Variants in CAPN13 observed in about 807,000 individuals in gnomAD.
CAPN13 encodes the protein calpain-13.
A neutral mutation model predicts 98.4 loss-of-function variants in CAPN13; 90 were observed. The observed-to-expected ratio is 0.92, with a 90% CI of 0.77 to 1.09. The LOEUF is 1.09. CAPN13 is among the 50% of genes least tolerant of loss of function. The pLI is 0.00. For synonymous variants in CAPN13, 330 were observed against 305.5 expected (o/e 1.08, Z -0.84); for missense variants, 887 against 841.3 (o/e 1.05, Z -0.67).
intron 22 of CAPN13, chr2:30,729,773 A>G (rs1670994539): frequency 6.6e-6 from 1 of 152,192 alleles, no homozygotes; most frequent in Non-Finnish European, 1.5e-5. Context: ...TGGGAGATTA[A>G]ATACTGTTTA....
chr2:30,751,207 G>GCTCT lies in CAPN13; in HGVS notation c.1128_1131dup (p.Pro378ArgfsTer63). The GCTCT allele has an allele frequency of 6.2e-7, 1 of 1,613,976 alleles. No homozygotes were observed. Among genetic ancestry groups the GCTCT allele is most frequent in the Non-Finnish European group, 8.5e-7 (1 of 1,179,880 alleles). On this transcript the variant is annotated frameshift_variant, in exon 11 of 23. Transcript: ENST00000295055. LOFTEE classifies it high-confidence loss of function. ...ACGACAACATTGGTGCCTTCCATTG[G>GCTCT]CTCTTGCACAGAGAAGTTGAATTGA...
At position 30,736,505 on chromosome 2, in the gene CAPN13, G is replaced by A. The variant is rs147172126; in HGVS notation, c.1720C>T (p.Gln574Ter). ...ARLWKRLVHY[Q>*]HVFQKVQTSP... ...AGTCACAGAGAATGTGCCCGTACCT[G>A]GTAGTGAACAAGGCGCTTCCACAGT... The change falls in exon 18 of 23, where the codon CAG (glutamine) becomes TAG (stop). Residue 574 changes from glutamine to a stop codon, truncating the protein, a stop_gained and splice_region_variant. Coordinates refer to ENST00000295055, the MANE Select transcript of CAPN13 (RefSeq NM_144575.3). LOFTEE classifies it high-confidence loss of function. The A allele has an allele frequency of 6.2e-7, 1 of 1,613,868 alleles. No individual in the cohort carries two copies. The highest frequency in any genetic ancestry group is 1.1e-5 in the South Asian group (1 of 91,080).
chr2:30,771,389 C>T (rs1365933121), intron 4 of CAPN13, among the ~76,000 whole-genome samples: 1 of 152,194 alleles, frequency 6.6e-6, no homozygotes, highest in Non-Finnish European at 1.5e-5. Context: ...TCCCAGATGT[C>T]AGGCTGTTGC....
chr2:30,777,051 G>C (rs923132050), intron 3 of CAPN13, among the ~76,000 whole-genome samples: 1 of 152,184 alleles, frequency 6.6e-6, no homozygotes, highest in African/African-American at 2.4e-5. Context: ...CCACTTTCCA[G>C]CCAGCTCTGC....
chr2:30,778,054 G>A (rs963108063), intron 2 of CAPN13, among the ~76,000 whole-genome samples: 2 of 152,188 alleles, frequency 1.3e-5, no homozygotes, highest in African/African-American at 4.8e-5. Flanking sequence ...AGCTTTTGTT[G>A]TGAAATGGTA....
Position 30,751,238 on chromosome 2 carries a change from A to G in CAPN13, c.1101T>C (p.Asn367=). 1.9e-6 allele frequency: 3 copies of G among 1,613,876 alleles called. No homozygotes were observed. In the East Asian group the frequency reaches 6.7e-5, roughly 36 times the overall value. ...ILGNTAGGPR[N]DAQFNFSVQE... ...GCACAGAGAAGTTGAATTGAGCATCATTCCGAGGTCCTCCTGCATCAGAAA... is the reference window on the plus strand; with the variant it reads ...GCACAGAGAAGTTGAATTGAGCATCGTTCCGAGGTCCTCCTGCATCAGAAA... The change falls in exon 11 of 23, where the codon AAT becomes AAC. Residue 367 remains asparagine, a synonymous_variant. Transcript: ENST00000295055.
chr2:30,728,896 A>G (rs1422404999), intron 22 of CAPN13, among the ~76,000 whole-genome samples: 1 of 152,180 alleles, frequency 6.6e-6, no homozygotes, highest in Non-Finnish European at 1.5e-5. Flanking sequence ...GGGAAGTGAG[A>G]ATATGTAGAC....
At chr2:30,776,153 A>C in intron 3 of CAPN13, 108 bp from the exon 4 acceptor site, 1 of 632,000 alleles carries the variant, frequency 1.6e-6, no homozygotes, top group Non-Finnish European at 2.6e-6. Flanking sequence ...CTTCTAAATA[A>C]TGCATTTTTT....
At chr2:30,761,848 G>C (rs1407119989) in intron 7 of CAPN13, among the ~76,000 whole-genome samples, 2 of 152,218 alleles carry the variant, frequency 1.3e-5, no homozygotes, top group Non-Finnish European at 2.9e-5. Flanking sequence ...ATGGACAAGA[G>C]AGACAGATGG....
In CAPN13 at chr2:30,788,502, T is replaced by C. The variant is rs1260899955; in HGVS notation, c.-32-1145A>G. Among the ~76,000 whole-genome samples, 5 of 152,162 alleles carry C rather than the reference T, an allele frequency of 3.3e-5. No homozygotes were observed. In the East Asian group the frequency reaches 7.7e-4, roughly 23 times the overall value. On this transcript the variant is annotated intron_variant, in intron 1 of 22. Transcript: ENST00000295055. ...ATCCATACTTCCTAGTTATGGGAAT[T>C]GAAAAACCTCTCTGGTCCTTAAAGT...
chr2:30,765,624 C>T (rs374083413), intron 5 of CAPN13, among the ~76,000 whole-genome samples: 1 of 152,204 alleles, frequency 6.6e-6, no homozygotes, highest in African/African-American at 2.4e-5. Context: ...GATCAGTCCT[C>T]AACACTCCTT....
chr2:30,765,150 T>C (rs1401802769), intron 5 of CAPN13, among the ~76,000 whole-genome samples: 1 of 152,216 alleles, frequency 6.6e-6, no homozygotes. Context: ...GAGGGTGGCC[T>C]GATCAGTCAC....
At chr2:30,744,335 C>T (rs1671804216) in intron 12 of CAPN13, among the ~76,000 whole-genome samples, 1 of 152,194 alleles carries the variant, frequency 6.6e-6, no homozygotes, top group South Asian at 2.1e-4. Flanking sequence ...CAAGGTAAAA[C>T]AGGAGATAGG....
At chr2:30,801,553 C>G (rs996606822) in intron 1 of CAPN13, among the ~76,000 whole-genome samples, 5 of 143,284 alleles carry the variant, frequency 3.5e-5, no homozygotes, top group Admixed American at 7.3e-5. Flanking sequence ...TGCAGTGAGC[C>G]AAGATCATGC....
chr2:30,779,981 T>C (rs754275289), intron 2 of CAPN13, among the ~76,000 whole-genome samples: 2 of 152,070 alleles, frequency 1.3e-5, no homozygotes, highest in Non-Finnish European at 2.9e-5. Flanking sequence ...GAATTAAAAA[T>C]TGCATTTTAG....
intron 16 of CAPN13, 53 bp from the exon 17 acceptor site, chr2:30,738,346 G>A (rs1216640718): frequency 2.5e-6 from 4 of 1,612,752 alleles, no homozygotes; most frequent in Non-Finnish European, 3.4e-6. Context: ...GGTGTGGGGT[G>A]GGGTTGCCAG....
chr2:30,735,206 T>TG (rs1366094849), intron 18 of CAPN13, among the ~76,000 whole-genome samples: 8 of 152,182 alleles, frequency 5.3e-5, no homozygotes, highest in Admixed American at 2.6e-4. Context: ...TGTATAATCC[T>TG]GGTCAACATC....
intron 22 of CAPN13, among the ~76,000 whole-genome samples, chr2:30,725,351 G>A (rs1670823788): frequency 6.6e-6 from 1 of 152,174 alleles, no homozygotes; most frequent in Admixed American, 6.5e-5. Context: ...GAGAGGAAGA[G>A]GAGTTCATCC....
intron 8 of CAPN13, among the ~76,000 whole-genome samples, chr2:30,756,606 G>A (rs1246199667): frequency 6.6e-6 from 1 of 152,218 alleles, no homozygotes; most frequent in African/African-American, 2.4e-5. Flanking sequence ...CCAAGAGGCA[G>A]CCTCAAATCA....
Sources: allele counts gnomAD v4.1 joint callset (sites outside exome capture counted in the v4.1 genomes callset), GRCh38; gene constraint gnomAD v4.1.1; transcripts MANE v1.5; gene names NCBI Gene and HGNC (gene_info 2026-07-23, HGNC 2026-07-21).